Variants in LIX1 observed in about 807,000 individuals in gnomAD.
LIX1 encodes limb and CNS expressed 1, also known as protein limb expression 1 homolog.
A neutral mutation model predicts 33.4 loss-of-function variants in LIX1; 24 were observed. The observed-to-expected ratio is 0.72, with a 90% CI of 0.52 to 1.01. LIX1 has a LOEUF of 1.01. Among genes scored for constraint, LIX1 ranks in the 50% least tolerant of loss-of-function variants. The pLI, the probability that LIX1 is intolerant of heterozygous loss-of-function variation, is 0.00. For missense variants in LIX1, 311 were observed against 339.2 expected (o/e 0.92, Z 0.65); for synonymous variants, 124 against 124.0 (o/e 1.00, Z 0.00).
intron 1 of LIX1, among the ~76,000 whole-genome samples, chr5:97,136,259 C>T (rs752759329): frequency 1.1e-4 from 17 of 152,200 alleles, no homozygotes; most frequent in Non-Finnish European, 2.2e-4. Context: ...TTTAGAGCCC[C>T]GACTTTCTTG....
At chr5:97,097,006 CAA>C in intron 4 of LIX1, 119 bp from the exon 5 acceptor site, 1 of 801,916 alleles carries the variant, frequency 1.2e-6, no homozygotes. Context: ...AATATTGTCA[CAA>C]CACTTTGGGA....
chr5:97,106,576 T>A (rs1403060573), intron 3 of LIX1, among the ~76,000 whole-genome samples: 3 of 152,248 alleles, frequency 2.0e-5, no homozygotes, highest in Non-Finnish European at 4.4e-5. Context: ...GCCAGGTTCC[T>A]GCCCTTGAGC....
chr5:97,113,382 G>A (rs190896684), intron 2 of LIX1, among the ~76,000 whole-genome samples: 9 of 152,332 alleles, frequency 5.9e-5, no homozygotes, highest in Admixed American at 5.2e-4. Flanking sequence ...TTCTTATGCA[G>A]CAATAGGTAA....
chr5:97,136,823 A>G (rs1196142319), intron 1 of LIX1, among the ~76,000 whole-genome samples: 1 of 152,136 alleles, frequency 6.6e-6, no homozygotes, highest in East Asian at 1.9e-4. Context: ...GGAGTGTAAT[A>G]ATTGTCTATT....
At chr5:97,133,625 G>T (rs981956147) in intron 1 of LIX1, among the ~76,000 whole-genome samples, 2 of 152,186 alleles carry the variant, frequency 1.3e-5, no homozygotes, top group African/African-American at 4.8e-5. Flanking sequence ...AGAGTTCAGG[G>T]ATAGAAAAGA....
rs1746166289 is a variant in LIX1 at position 97,093,254 on chromosome 5, A to AG, written c.*1493_*1494insC. The AG allele has an allele frequency of 6.6e-6, 1 of 152,398 alleles. No individual in the cohort carries two copies. The allele number at this position is 152,398 out of a possible 1,614,324, so 9.4% of individuals were successfully genotyped here. On this transcript the variant is annotated 3_prime_UTR_variant, in exon 6 of 6. Coordinates refer to ENST00000274382, the MANE Select transcript of LIX1 (RefSeq NM_153234.5). ...ATTAGATATGAGGTTAAAATATCAT[A>AG]TTTTATAAACTTTAATGTAATTATA... is the stretch of plus-strand genomic sequence containing the variant.
chr5:97,124,682 C>T lies in LIX1; in HGVS notation c.83-53G>A, dbSNP rs904926744. 5.3e-6 allele frequency: 8 copies of T among 1,501,730 alleles called. No individual in the cohort carries two copies. In the Admixed American group the frequency reaches 1.4e-4, roughly 25 times the overall value. 93.0% of individuals were successfully genotyped at this position (1,501,730 alleles called of 1,614,324 possible). A position where few individuals can be genotyped will look rare whatever the true frequency, so the allele number is the denominator to read the frequency against. On this transcript the variant is annotated intron_variant, in intron 1 of 5. Coordinates refer to ENST00000274382, the MANE Select transcript of LIX1 (RefSeq NM_153234.5). The stretch of plus-strand genomic sequence containing the variant: ...TATTAAGGATGGACATAATCTGGTG[C>T]AAAACCAAAATTTTATTTGCAAGCT...
Position 97,099,260 on chromosome 5 carries a change from C to T in LIX1, c.484-2373G>A, listed in dbSNP as rs547414634. ...TTCGAGAAACCAAATCTCGTCCAAT[C>T]TGGCTGTCACTGCTGTTCCTCTCAG... On this transcript the variant is annotated intron_variant, in intron 4 of 5. Coordinates refer to ENST00000274382, the MANE Select transcript of LIX1 (RefSeq NM_153234.5). Among the ~76,000 whole-genome samples the T allele has an allele frequency of 3.9e-5, 6 of 152,340 alleles. No homozygotes were observed. The East Asian group carries it at 7.7e-4, about 20-fold the overall frequency.
intron 2 of LIX1, among the ~76,000 whole-genome samples, chr5:97,121,460 A>G (rs1050241300): frequency 6.6e-6 from 1 of 151,764 alleles, no homozygotes; most frequent in Non-Finnish European, 1.5e-5. Context: ...ACTGTCTTCC[A>G]TCTCTGTCTT....
chr5:97,120,223 T>C (rs1011383932), intron 2 of LIX1, among the ~76,000 whole-genome samples: 2 of 152,248 alleles, frequency 1.3e-5, no homozygotes, highest in Non-Finnish European at 2.9e-5. Context: ...TGAATGATCT[T>C]AGCTGACTAT....
chr5:97,122,422 C>A (rs565306080), intron 2 of LIX1, among the ~76,000 whole-genome samples: 1 of 152,288 alleles, frequency 6.6e-6, no homozygotes, highest in Non-Finnish European at 1.5e-5. Context: ...CCAATGGCAC[C>A]CTTTCTTCTT....
chr5:97,127,278 G>A (rs570313321), intron 1 of LIX1, among the ~76,000 whole-genome samples: 27 of 152,322 alleles, frequency 1.8e-4, no homozygotes, highest in Middle Eastern at 3.4e-3. Flanking sequence ...TAAAATGCAT[G>A]ATAATCTAGG....
At chr5:97,128,315 T>C (rs1009001547) in intron 1 of LIX1, among the ~76,000 whole-genome samples, 1 of 152,238 alleles carries the variant, frequency 6.6e-6, no homozygotes, top group Admixed American at 6.5e-5. Flanking sequence ...ATAACTTTCT[T>C]CTAGAAACCT....
At chr5:97,107,051 C>T (rs1747085046) in intron 3 of LIX1, among the ~76,000 whole-genome samples, 2 of 152,064 alleles carry the variant, frequency 1.3e-5, no homozygotes, top group South Asian at 4.1e-4. Flanking sequence ...CGTTCTCAGG[C>T]CCTAAAAGAA....
intron 1 of LIX1, among the ~76,000 whole-genome samples, chr5:97,130,723 G>T (rs550864517): frequency 4.6e-5 from 7 of 152,328 alleles, no homozygotes; most frequent in Non-Finnish European, 1.0e-4. Context: ...GTGTTAGGAG[G>T]AATATTAATA....
chr5:97,107,023 G>T (rs1416408390), intron 3 of LIX1, among the ~76,000 whole-genome samples: 1 of 152,132 alleles, frequency 6.6e-6, no homozygotes, highest in African/African-American at 2.4e-5. Flanking sequence ...CTAGATTAAA[G>T]CAGTATTCCA....
Position 97,095,870 on chromosome 5 carries a change from C to T in LIX1, c.562-835G>A, listed in dbSNP as rs186951191. On this transcript the variant is annotated intron_variant, in intron 5 of 5. Coordinates refer to ENST00000274382, the MANE Select transcript of LIX1 (RefSeq NM_153234.5). ...TCATGGAAAAGTGTTTATAACCCAA[C>T]CAGCATATTTCAAAGGCCTTTTGTA... Among the ~76,000 whole-genome samples the T allele has an allele frequency of 3.9e-5, 6 of 152,238 alleles. No individual in the cohort carries two copies. In the East Asian group the frequency reaches 7.7e-4, roughly 20 times the overall value.
chr5:97,113,607 C>T (rs1390802829), intron 2 of LIX1, among the ~76,000 whole-genome samples: 2 of 152,142 alleles, frequency 1.3e-5, no homozygotes, highest in Admixed American at 1.3e-4. Flanking sequence ...CAAGGTCATG[C>T]ACCTTAAGAT....
intron 5 of LIX1, among the ~76,000 whole-genome samples, chr5:97,095,613 T>C (rs1746335796): frequency 6.6e-6 from 1 of 152,224 alleles, no homozygotes; most frequent in African/African-American, 2.4e-5. Flanking sequence ...AGATGTATAA[T>C]GGAAGGTAGA....
Sources: allele counts gnomAD v4.1 joint callset (sites outside exome capture counted in the v4.1 genomes callset), GRCh38; gene constraint gnomAD v4.1.1; transcripts MANE v1.5; gene names NCBI Gene and HGNC (gene_info 2026-07-23, HGNC 2026-07-21).